TAFA5: variants seen among roughly 807,000 people sequenced by gnomAD.
The protein encoded by TAFA5 is chemokine-like protein TAFA-5.
In TAFA5, 6 loss-of-function variants were observed where a neutral mutation model predicts 15.3. The observed-to-expected ratio is 0.39, with a 90% CI of 0.21 to 0.77. The LOEUF is 0.77. TAFA5 is among the 30% of genes least tolerant of loss of function. The probability of loss-of-function intolerance (pLI) is 0.41; values close to 1 mark genes in which losing one functional copy is unlikely to be tolerated. For synonymous variants in TAFA5, 103 were observed against 80.7 expected, an observed-to-expected ratio of 1.28 and a Z score of -1.48; for missense variants, 161 against 193.1, an observed-to-expected ratio of 0.83 and a Z score of 0.98.
At chr22:48,641,561 C>T (rs1200045229) in intron 1 of TAFA5, among the ~76,000 whole-genome samples, 1 of 148,902 alleles carries the variant, frequency 6.7e-6, no homozygotes, top group East Asian at 2.0e-4. Flanking sequence ...ACACGATGCC[C>T]TCCCCTTCCC....
chr22:48,731,249 A>G (rs963181211), intron 3 of TAFA5, among the ~76,000 whole-genome samples: 3 of 152,302 alleles, frequency 2.0e-5, no homozygotes, highest in South Asian at 4.1e-4. Context: ...GCAGACGTTG[A>G]CTCATGAGTG....
chr22:48,702,345 G>A (rs140572837), intron 2 of TAFA5, among the ~76,000 whole-genome samples: 23 of 152,170 alleles, frequency 1.5e-4, no homozygotes, highest in African/African-American at 5.5e-4. Context: ...GGACTCGGGG[G>A]CTGTGGGGTC....
intron 1 of TAFA5, among the ~76,000 whole-genome samples, chr22:48,547,569 G>T (rs1002642178): frequency 1.3e-5 from 2 of 152,226 alleles, no homozygotes; most frequent in Non-Finnish European, 2.9e-5. Context: ...CTGTGCAATA[G>T]TGACAGTAAT....
At chr22:48,639,221 C>A (rs1360654430) in intron 1 of TAFA5, among the ~76,000 whole-genome samples, 1 of 149,162 alleles carries the variant, frequency 6.7e-6, no homozygotes, top group East Asian at 1.9e-4. Flanking sequence ...CGTTGGGGAC[C>A]TGCCCCCGGG....
At chr22:48,497,404 C>T (rs1005344906) in intron 1 of TAFA5, among the ~76,000 whole-genome samples, 1 of 152,056 alleles carries the variant, frequency 6.6e-6, no homozygotes, top group Non-Finnish European at 1.5e-5. Flanking sequence ...CTAGAAAAGA[C>T]GGCATTTCCG....
chr22:48,500,671 C>T (rs972786113), intron 1 of TAFA5, among the ~76,000 whole-genome samples: 6 of 152,240 alleles, frequency 3.9e-5, no homozygotes, highest in African/African-American at 1.2e-4. Flanking sequence ...CTTCCCGTGA[C>T]GACGTGGCTA....
At chr22:48,659,410 A>G (rs1344166820) in intron 2 of TAFA5, among the ~76,000 whole-genome samples, 1 of 152,192 alleles carries the variant, frequency 6.6e-6, no homozygotes, top group Non-Finnish European at 1.5e-5. Flanking sequence ...GCTGGACCTC[A>G]TGGTCACATT....
chr22:48,630,345 G>A (rs1569055141), intron 1 of TAFA5, among the ~76,000 whole-genome samples: 1 of 152,206 alleles, frequency 6.6e-6, no homozygotes, highest in African/African-American at 2.4e-5. Flanking sequence ...GTGGGGTGGG[G>A]AAATTCTGAG....
At chr22:48,697,733 G>A (rs1430101649) in intron 2 of TAFA5, among the ~76,000 whole-genome samples, 1 of 151,888 alleles carries the variant, frequency 6.6e-6, no homozygotes, top group African/African-American at 2.4e-5. Context: ...GATGATCATG[G>A]TAGTGGTTAT....
At chr22:48,524,453 C>T (rs911553675) in intron 1 of TAFA5, among the ~76,000 whole-genome samples, 1 of 152,210 alleles carries the variant, frequency 6.6e-6, no homozygotes, top group South Asian at 2.1e-4. Context: ...GGACGCCCTC[C>T]CTGCTGGACA....
At chr22:48,683,836 G>A (rs554734115) in intron 2 of TAFA5, among the ~76,000 whole-genome samples, 159 of 152,288 alleles carry the variant, frequency 1.0e-3, no homozygotes, top group Non-Finnish European at 1.9e-3. Context: ...TCTCATGACA[G>A]TGAGTGAGTT....
At chr22:48,718,685 G>A (rs1056757679) in intron 3 of TAFA5, among the ~76,000 whole-genome samples, 32 of 152,134 alleles carry the variant, frequency 2.1e-4, no homozygotes, top group African/African-American at 6.3e-4. Flanking sequence ...CCCCGGCCCC[G>A]TGAGGTCAAC....
intron 1 of TAFA5, among the ~76,000 whole-genome samples, chr22:48,645,687 G>A (rs941009594): frequency 1.3e-5 from 2 of 152,104 alleles, no homozygotes; most frequent in African/African-American, 2.4e-5. Context: ...TCCTGTGGGA[G>A]CCTGTCCACG....
Position 48,489,723 on chromosome 22 carries a change from C to CGGCCCCGGCACGGCCCT in TAFA5, c.112+20_112+36dup. The CGGCCCCGGCACGGCCCT allele has an allele frequency of 1.4e-6, 2 of 1,407,148 alleles. No homozygotes were observed. Among genetic ancestry groups the CGGCCCCGGCACGGCCCT allele is most frequent in the Non-Finnish European group, 1.9e-6 (2 of 1,064,718 alleles). The allele number at this position is 1,407,148 out of a possible 1,614,324, so 87.2% of individuals were successfully genotyped here. ...TACTGCAGTGAGTACCGCGCGGCCC[C>CGGCCCCGGCACGGCCCT]GGCCCCGGCACGGCCCTCTGGGCCC... On this transcript the variant is annotated intron_variant, in intron 1 of 3. Transcript: ENST00000402357. This position sits in a 1 kb window ranked among gnomAD's most constrained non-coding sequence, Gnocchi z 5.5.
intron 1 of TAFA5, among the ~76,000 whole-genome samples, chr22:48,622,693 G>A (rs767697883): frequency 6.6e-5 from 10 of 152,228 alleles, no homozygotes; most frequent in Non-Finnish European, 7.3e-5. Flanking sequence ...GGAGAATGGC[G>A]CAGCTGTAGG....
intron 1 of TAFA5, among the ~76,000 whole-genome samples, chr22:48,613,158 C>T (rs1436384768): frequency 6.6e-6 from 1 of 152,238 alleles, no homozygotes; most frequent in East Asian, 1.9e-4. Context: ...CTGATGCCTT[C>T]ACTGAGCTCT....
chr22:48,638,771 CA>C (rs1926563212), intron 1 of TAFA5, among the ~76,000 whole-genome samples: 1 of 108,042 alleles, frequency 9.3e-6, no homozygotes, highest in African/African-American at 4.5e-5. Context: ...GGACCCCCCC[CA>C]TCCCCCGACA....
intron 3 of TAFA5, among the ~76,000 whole-genome samples, chr22:48,728,929 T>C (rs1929782736): frequency 6.6e-6 from 1 of 152,176 alleles, no homozygotes; most frequent in African/African-American, 2.4e-5. Context: ...TGAGATAGGC[T>C]GAAAGCTACA....
intron 2 of TAFA5, among the ~76,000 whole-genome samples, chr22:48,647,779 A>G (rs551543075): frequency 6.6e-6 from 1 of 152,222 alleles, no homozygotes; most frequent in African/African-American, 2.4e-5. Context: ...ACGCAGGGGT[A>G]TTGGATGCCT....
Sources: gnomAD v4.1 joint callset for allele counts (sites outside exome capture counted in the v4.1 genomes callset) on GRCh38, gnomAD v4.1.1 for gene constraint, Gnocchi (gnomAD v3.1) non-coding constraint, MANE v1.5 for transcripts, NCBI Gene and HGNC (gene_info 2026-07-23, HGNC 2026-07-21) for gene names.